NUP214: variants seen among roughly 807,000 people sequenced by gnomAD.
NUP214 encodes nuclear pore complex protein Nup214.
A neutral mutation model predicts 196.2 loss-of-function variants in NUP214; 79 were observed. The ratio of observed to expected loss-of-function variants is 0.40; its 90% confidence interval spans 0.34 to 0.49. NUP214 has a LOEUF of 0.49. Among genes scored for constraint, NUP214 ranks in the 20% least tolerant of loss-of-function variants. The probability of loss-of-function intolerance (pLI) is 0.58; values close to 1 mark genes in which losing one functional copy is unlikely to be tolerated. For synonymous variants in NUP214, 1,020 were observed against 990.5 expected (o/e 1.03, Z -0.56); for missense variants, 2,468 against 2,539.0 (o/e 0.97, Z 0.60).
At chr9:131,188,424 C>CT (rs1833515012) in intron 25 of NUP214, among the ~76,000 whole-genome samples, 1 of 152,250 alleles carries the variant, frequency 6.6e-6, no homozygotes, top group Admixed American at 6.5e-5. Flanking sequence ...ACTCTTACAT[C>CT]TGTCTCTGAG....
Position 131,150,196 on chromosome 9 carries a change from G to A in NUP214, c.2041-128G>A, listed in dbSNP as rs1054286998. 1.3e-5 allele frequency: 10 copies of A among 750,716 alleles called. No homozygotes were observed. In the South Asian group the frequency reaches 1.5e-4, roughly 11 times the overall value. 46.5% of individuals were successfully genotyped at this position (750,716 alleles called of 1,614,324 possible). ...CACAAAGTAGAGACCCTATAAATAA[G>A]GATTCGTTACAATGAGTGAAGAAAT... On this transcript the variant is annotated intron_variant, in intron 14 of 35. Coordinates refer to ENST00000359428, the MANE Select transcript of NUP214 (RefSeq NM_005085.4).
At chr9:131,143,412 C>T (rs1831986391) in intron 11 of NUP214, among the ~76,000 whole-genome samples, 1 of 151,734 alleles carries the variant, frequency 6.6e-6, no homozygotes, top group African/African-American at 2.4e-5. Flanking sequence ...AGAGAAATTA[C>T]TGGGTCTGTT....
intron 32 of NUP214, among the ~76,000 whole-genome samples, chr9:131,227,078 C>A (rs1056994481): frequency 3.5e-4 from 53 of 152,214 alleles, no homozygotes; most frequent in African/African-American, 1.3e-3. Context: ...ATTTCTTATG[C>A]CATTCTATTC....
At chr9:131,206,557 A>G (rs774164178) in intron 30 of NUP214, among the ~76,000 whole-genome samples, 5 of 151,306 alleles carry the variant, frequency 3.3e-5, no homozygotes, top group South Asian at 2.1e-4. Context: ...CAGTCCTCCT[A>G]TCAGTTCTCC....
intron 22 of NUP214, among the ~76,000 whole-genome samples, chr9:131,174,870 T>C (rs1833071383): frequency 6.6e-6 from 1 of 152,246 alleles, no homozygotes; most frequent in Admixed American, 6.5e-5. Context: ...TCCAAGTTTA[T>C]GCGCTATAAC....
Position 131,144,819 on chromosome 9 carries a change from A to G in NUP214, c.1769+65A>G, listed in dbSNP as rs1480902220. 11 of 1,246,796 alleles carry G rather than the reference A, an allele frequency of 8.8e-6. No individual in the cohort carries two copies. The East Asian group carries it at 1.7e-4, about 19-fold the overall frequency. The allele number at this position is 1,246,796 out of a possible 1,614,324, so 77.2% of individuals were successfully genotyped here. On this transcript the variant is annotated intron_variant, in intron 12 of 35. Transcript: ENST00000359428. The stretch of plus-strand genomic sequence containing the variant: ...TAGAAATATTGGATGTTATTTACTA[A>G]AAGTAGAGTCACTCTGAGAGGAGTT...
At position 131,222,776 on chromosome 9, in the gene NUP214, A is replaced by G. The variant is rs1415476590; in HGVS notation, c.5750-2A>G. 4 of 1,612,684 alleles carry G rather than the reference A, an allele frequency of 2.5e-6. No individual in the cohort carries two copies. Among genetic ancestry groups the G allele is most frequent in the Non-Finnish European group, 2.5e-6 (3 of 1,179,190 alleles). On this transcript the variant is annotated splice_acceptor_variant, in intron 31 of 35. Coordinates refer to ENST00000359428, the MANE Select transcript of NUP214 (RefSeq NM_005085.4). LOFTEE classifies it high-confidence loss of function. ...ACCTCCCTCACATCTTCATCTCTTC[A>G]GATACCTCTAACCTATTTGGAAACA...
In NUP214 at chr9:131,140,544, A is replaced by G; in HGVS notation, c.1133-5A>G. The G allele has an allele frequency of 6.3e-7, 1 of 1,592,734 alleles. No individual in the cohort carries two copies. Among genetic ancestry groups the G allele is most frequent in the African/African-American group, 1.4e-5 (1 of 73,242 alleles). On this transcript the variant is annotated splice_region_variant and splice_polypyrimidine_tract_variant and intron_variant, in intron 10 of 35. Coordinates refer to ENST00000359428, the MANE Select transcript of NUP214 (RefSeq NM_005085.4). ...TTTTTTTATTTTTGTTTTCTTTTTTAACAGGTGATGAAAAGACTCTTCCTC... is the reference window on the plus strand; with the variant it reads ...TTTTTTTATTTTTGTTTTCTTTTTTGACAGGTGATGAAAAGACTCTTCCTC...
intron 17 of NUP214, among the ~76,000 whole-genome samples, chr9:131,158,170 C>G (rs987946664): frequency 1.1e-4 from 16 of 152,370 alleles, no homozygotes; most frequent in African/African-American, 3.8e-4. Flanking sequence ...CCTCCGCCTC[C>G]TGTGTTCAAG....
Position 131,144,654 on chromosome 9 carries a change from C to G in NUP214, c.1669C>G (p.Leu557Val). ...SFGSSGFKPT[L>V]ESTPVPSVSA... Reference sequence around the variant, plus strand: ...TGGATCATCTGGTTTTAAGCCTACCCTGGAAAGCACACCAGTGCCAAGTGT... The same window carrying G: ...TGGATCATCTGGTTTTAAGCCTACCGTGGAAAGCACACCAGTGCCAAGTGT... The change falls in exon 12 of 36, where the codon CTG (leucine) becomes GTG (valine). Residue 557 changes from leucine to valine, a missense_variant. Coordinates refer to ENST00000359428, the MANE Select transcript of NUP214 (RefSeq NM_005085.4). The G allele has an allele frequency of 1.2e-6, 2 of 1,614,200 alleles. No individual in the cohort carries two copies. The highest frequency in any genetic ancestry group is 1.7e-6 in the Non-Finnish European group (2 of 1,180,044).
At chr9:131,131,417 A>C (rs747691716) in intron 5 of NUP214, among the ~76,000 whole-genome samples, 3 of 152,190 alleles carry the variant, frequency 2.0e-5, no homozygotes, top group Non-Finnish European at 2.9e-5. Flanking sequence ...CCATATGTCT[A>C]TTGAGCCTGG....
At chr9:131,218,562 C>T (rs1216179972) in intron 31 of NUP214, among the ~76,000 whole-genome samples, 1 of 152,072 alleles carries the variant, frequency 6.6e-6, no homozygotes, top group Admixed American at 6.5e-5. Context: ...CCTTCTCTCC[C>T]TCCCCTCACC....
chr9:131,146,396 C>G lies in NUP214; in HGVS notation c.1945+92C>G. 1.5e-6 allele frequency: 2 copies of G among 1,301,036 alleles called. No homozygotes were observed. Among genetic ancestry groups the G allele is most frequent in the Middle Eastern group, 1.9e-4 (1 of 5,260 alleles). The allele number at this position is 1,301,036 out of a possible 1,614,324, so 80.6% of individuals were successfully genotyped here. A position where few individuals can be genotyped will look rare whatever the true frequency, so the allele number is the denominator to read the frequency against. ...AAGAGTCGTAGCTAACATAGTTGGA[C>G]AAGGTTATTTTTTCTTGCTTCCTGT... On this transcript the variant is annotated intron_variant, in intron 13 of 35. Coordinates refer to ENST00000359428, the MANE Select transcript of NUP214 (RefSeq NM_005085.4). The surrounding 1 kb of genome is among the most constrained non-coding windows in gnomAD (Gnocchi z 4.6).
At chr9:131,175,761 C>T (rs1833097123) in intron 23 of NUP214, 140 bp downstream of exon 23, 6 of 1,253,930 alleles carry the variant, frequency 4.8e-6, no homozygotes, top group Non-Finnish European at 6.3e-6. Flanking sequence ...GCCCTCTCCC[C>T]TTTGTGGAGA....
chr9:131,217,905 C>T (rs1834447947), intron 31 of NUP214, among the ~76,000 whole-genome samples: 1 of 152,212 alleles, frequency 6.6e-6, no homozygotes. Context: ...AGCACATCTT[C>T]CCAGTTGTTC....
At chr9:131,145,273 C>G (rs963698850) in intron 12 of NUP214, among the ~76,000 whole-genome samples, 1 of 152,126 alleles carries the variant, frequency 6.6e-6, no homozygotes, top group Admixed American at 6.6e-5. Context: ...TCCTCCAGAT[C>G]TGGGTCGGGC....
chr9:131,183,908 C>T (rs1050189762), intron 24 of NUP214, among the ~76,000 whole-genome samples: 2 of 151,208 alleles, frequency 1.3e-5, no homozygotes, highest in African/African-American at 4.9e-5. Context: ...ATGCATGCTG[C>T]TTTGTAAATT....
At chr9:131,175,409 T>C in intron 22 of NUP214, 51 bp from the exon 23 acceptor site, 3 of 1,598,822 alleles carry the variant, frequency 1.9e-6, no homozygotes, top group Non-Finnish European at 2.6e-6. Context: ...TAACCTTTTG[T>C]ATTTTCCTGT....
chr9:131,193,074 C>T (rs1033772498), intron 27 of NUP214, among the ~76,000 whole-genome samples: 13 of 151,442 alleles, frequency 8.6e-5, no homozygotes, highest in Non-Finnish European at 1.3e-4. Context: ...AATCTGTTTC[C>T]GTTTCTTTAA....
Sources: allele counts gnomAD v4.1 joint callset (sites outside exome capture counted in the v4.1 genomes callset), GRCh38; gene constraint gnomAD v4.1.1; non-coding constraint Gnocchi (gnomAD v3.1); transcripts MANE v1.5; gene names NCBI Gene and HGNC (gene_info 2026-07-23, HGNC 2026-07-21).